Variants in CPNE5 observed in about 807,000 individuals in gnomAD.
CPNE5 encodes copine 5.
A neutral mutation model predicts 81.1 loss-of-function variants in CPNE5; 42 were observed. The observed-to-expected ratio is 0.52, with a 90% CI of 0.40 to 0.67. The LOEUF is 0.67. Among genes scored for constraint, CPNE5 ranks in the 30% least tolerant of loss-of-function variants. The pLI is 0.00. For missense variants in CPNE5, 612 were observed against 815.5 expected, an observed-to-expected ratio of 0.75 and a Z score of 3.04; for synonymous variants, 313 against 321.5, an observed-to-expected ratio of 0.97 and a Z score of 0.28.
intron 14 of CPNE5, among the ~76,000 whole-genome samples, chr6:36,750,124 C>T (rs561085843): frequency 1.2e-3 from 187 of 152,328 alleles, no homozygotes; most frequent in African/African-American, 4.3e-3. Context: ...TATGAGGACA[C>T]GAGGCTGGGA....
intron 6 of CPNE5, among the ~76,000 whole-genome samples, chr6:36,795,000 C>T (rs1769440830): frequency 6.6e-6 from 1 of 152,068 alleles, no homozygotes; most frequent in Non-Finnish European, 1.5e-5. Context: ...GCTTGGGAAC[C>T]CCTGTTCTCC....
rs1340384007 is a variant in CPNE5, at chr6:36,748,276, G to A, written c.972-9C>T. On this transcript the variant is annotated splice_polypyrimidine_tract_variant and intron_variant, in intron 14 of 20. Transcript: ENST00000244751. The stretch of plus-strand genomic sequence containing the variant: ...TGAAGTTGATCTGGGTCCTAGAAGA[G>A]GGAGAACAGCAGGGGAGTCACCTGG... 2 of 1,614,028 alleles carry A rather than the reference G, an allele frequency of 1.2e-6. No homozygotes were observed. The highest frequency in any genetic ancestry group is 1.7e-5 in the Admixed American group (1 of 60,024).
intron 17 of CPNE5, 38 bp from the exon 18 acceptor site, chr6:36,745,188 G>T: frequency 6.5e-7 from 1 of 1,541,250 alleles, no homozygotes. Flanking sequence ...CTGTCTGCGG[G>T]ACCTCTGGGC....
intron 8 of CPNE5, among the ~76,000 whole-genome samples, chr6:36,783,206 A>C (rs1194821227): frequency 6.6e-6 from 1 of 151,996 alleles, no homozygotes; most frequent in Non-Finnish European, 1.5e-5. Context: ...AACAACACAC[A>C]CTGGGGCCTA....
chr6:36,824,203 GAAAGTTTATGCTCCCA>G (rs1289131507), intron 1 of CPNE5, among the ~76,000 whole-genome samples: 1 of 152,218 alleles, frequency 6.6e-6, no homozygotes, highest in Non-Finnish European at 1.5e-5. Flanking sequence ...GCAAGGGCCA[GAAAGTTTATGCTCCCA>G]AAAGGCCGCA....
intron 1 of CPNE5, among the ~76,000 whole-genome samples, chr6:36,836,313 C>G (rs1049944991): frequency 1.3e-5 from 2 of 152,186 alleles, no homozygotes; most frequent in Non-Finnish European, 2.9e-5. Flanking sequence ...GCTTAGCTAG[C>G]TGAGCCCTAG....
At chr6:36,748,035 A>G (rs1173073247) in intron 15 of CPNE5, among the ~76,000 whole-genome samples, 186 bp downstream of exon 15, 1 of 152,216 alleles carries the variant, frequency 6.6e-6, no homozygotes, top group East Asian at 1.9e-4. Flanking sequence ...ATTTATGTCA[A>G]TGGTCCAACC....
chr6:36,808,756 A>C (rs1770831347), intron 3 of CPNE5, among the ~76,000 whole-genome samples: 1 of 152,226 alleles, frequency 6.6e-6, no homozygotes, highest in South Asian at 2.1e-4. Flanking sequence ...CGTGCCACGC[A>C]CTAAGTGTTA....
intron 10 of CPNE5, among the ~76,000 whole-genome samples, chr6:36,773,106 A>C (rs1767185379): frequency 6.6e-6 from 1 of 150,996 alleles, no homozygotes; most frequent in Admixed American, 6.6e-5. Flanking sequence ...CTGGTCTTGA[A>C]CTCCTGGATT....
chr6:36,825,226 T>C (rs1772400304), intron 1 of CPNE5, among the ~76,000 whole-genome samples: 1 of 152,016 alleles, frequency 6.6e-6, no homozygotes, highest in African/African-American at 2.4e-5. Flanking sequence ...CAAAAATCAA[T>C]CAACAGATGG....
At chr6:36,757,959 A>G (rs1310750366) in intron 12 of CPNE5, among the ~76,000 whole-genome samples, 1 of 152,064 alleles carries the variant, frequency 6.6e-6, no homozygotes, top group Non-Finnish European at 1.5e-5. Context: ...TCTGAATGTC[A>G]CCCAGCGGCC....
upstream of CPNE5, chr6:36,839,465 A>C: frequency 2.7e-6 from 3 of 1,117,512 alleles, no homozygotes; most frequent in Non-Finnish European, 3.8e-6. The surrounding 1 kb of genome is among the most constrained non-coding windows in gnomAD (Gnocchi z 7.3). Context: ...GCTCTCCCCC[A>C]ACTCCAGAGC....
rs529509102 is a variant in CPNE5 at position 36,744,362 on chromosome 6, C to A, written c.1432-37G>T. 205 of 1,514,772 alleles carry A rather than the reference C, an allele frequency of 1.4e-4. 5 individuals carry two copies. In the South Asian group the frequency reaches 2.3e-3, roughly 17 times the overall value. 93.8% of individuals were successfully genotyped at this position (1,514,772 alleles called of 1,614,324 possible). Reference sequence around the variant, plus strand: ...CATGGGGGGCAGGGAAAGGTTGGACCCAATTGGGACCCAGTTAAAAGGAAG... The same window carrying A: ...CATGGGGGGCAGGGAAAGGTTGGACACAATTGGGACCCAGTTAAAAGGAAG... On this transcript the variant is annotated intron_variant, in intron 18 of 20. Coordinates refer to ENST00000244751, the MANE Select transcript of CPNE5 (RefSeq NM_020939.2).
chr6:36,805,900 G>C (rs1463939180), intron 3 of CPNE5, among the ~76,000 whole-genome samples: 1 of 152,208 alleles, frequency 6.6e-6, no homozygotes, highest in Non-Finnish European at 1.5e-5. Flanking sequence ...TCAAAGTGGG[G>C]GCAGACTTGA....
chr6:36,821,881 G>C (rs1348823687), intron 3 of CPNE5, among the ~76,000 whole-genome samples: 1 of 152,170 alleles, frequency 6.6e-6, no homozygotes, highest in Non-Finnish European at 1.5e-5. Flanking sequence ...TGAGAACAGG[G>C]CTATGTCTCC....
intron 9 of CPNE5, among the ~76,000 whole-genome samples, chr6:36,777,763 CCA>C (rs1562126342): frequency 1.6e-4 from 13 of 82,290 alleles, no homozygotes; most frequent in African/African-American, 6.6e-4. Flanking sequence ...ACCCCCCCCC[CCA>C]CCACACACAC....
chr6:36,817,828 G>A (rs2150576523), intron 3 of CPNE5, among the ~76,000 whole-genome samples: 3 of 152,250 alleles, frequency 2.0e-5, no homozygotes, highest in African/African-American at 7.2e-5. Flanking sequence ...GGGGCTCCTG[G>A]TCCTGTTTGG....
At chr6:36,837,592 G>T (rs1773629770) in intron 1 of CPNE5, among the ~76,000 whole-genome samples, 1 of 152,204 alleles carries the variant, frequency 6.6e-6, no homozygotes, top group South Asian at 2.1e-4. Context: ...GGCCCAGGCT[G>T]AGTACCTAGG....
At chr6:36,780,206 G>A (rs1044530448) in intron 8 of CPNE5, among the ~76,000 whole-genome samples, 5 of 151,972 alleles carry the variant, frequency 3.3e-5, no homozygotes, top group African/African-American at 9.7e-5. Flanking sequence ...CTCATGATCC[G>A]CCCGCCTCAG....
Sources: gnomAD v4.1 joint callset for allele counts (sites outside exome capture counted in the v4.1 genomes callset) on GRCh38, gnomAD v4.1.1 for gene constraint, Gnocchi (gnomAD v3.1) non-coding constraint, MANE v1.5 for transcripts, NCBI Gene and HGNC (gene_info 2026-07-23, HGNC 2026-07-21) for gene names.